AGBL1: variants seen among roughly 807,000 people sequenced by gnomAD.
AGBL1 encodes AGBL carboxypeptidase 1, also known as cytosolic carboxypeptidase 4.
AGBL1 carries 130 observed loss-of-function variants against 118.9 expected under a neutral mutation model. The observed-to-expected ratio is 1.09, with a 90% confidence interval of 0.95 to 1.26. The LOEUF is 1.26. AGBL1 is among the 50% of genes most tolerant of loss of function. The pLI, the probability that AGBL1 is intolerant of heterozygous loss-of-function variation, is 0.00. For synonymous variants in AGBL1, 555 were observed against 478.9 expected (o/e 1.16, Z -2.08); for missense variants, 1,584 against 1,298.1 (o/e 1.22, Z -3.38).
At chr15:86,980,500 A>C (rs1185567111) in intron 23 of AGBL1, among the ~76,000 whole-genome samples, 1 of 152,126 alleles carries the variant, frequency 6.6e-6, no homozygotes, top group African/African-American at 2.4e-5. Flanking sequence ...TGGGAAGCCT[A>C]ATCCTCTGTC....
chr15:86,862,474 C>G (rs1268116335), intron 22 of AGBL1, among the ~76,000 whole-genome samples: 1 of 152,178 alleles, frequency 6.6e-6, no homozygotes, highest in Admixed American at 6.5e-5. Flanking sequence ...AATCCCAGCA[C>G]TTTGGGAGGC....
intron 5 of AGBL1, among the ~76,000 whole-genome samples, chr15:86,201,587 T>C (rs977937083): frequency 2.0e-5 from 3 of 152,168 alleles, no homozygotes; most frequent in Non-Finnish European, 4.4e-5. Context: ...TTGTTTTCAC[T>C]GAGAAAGCTT....
intron 3 of AGBL1, among the ~76,000 whole-genome samples, chr15:86,152,603 G>A (rs972154817): frequency 1.3e-5 from 2 of 152,110 alleles, no homozygotes; most frequent in African/African-American, 2.4e-5. Context: ...ACATAGGCAC[G>A]GGCAAGGACT....
intron 5 of AGBL1, among the ~76,000 whole-genome samples, chr15:86,204,836 T>C: frequency 6.6e-6 from 1 of 152,170 alleles, no homozygotes; most frequent in East Asian, 1.9e-4. Context: ...GTGATCCACC[T>C]GCCTTGGCCT....
intron 23 of AGBL1, among the ~76,000 whole-genome samples, chr15:86,955,562 T>C (rs1330880549): frequency 1.3e-5 from 2 of 151,942 alleles, no homozygotes; most frequent in Admixed American, 1.3e-4. Flanking sequence ...AAACTACAGC[T>C]TGGTTTACAA....
intron 19 of AGBL1, among the ~76,000 whole-genome samples, chr15:86,540,441 A>G (rs1325519254): frequency 6.6e-6 from 1 of 152,100 alleles, no homozygotes; most frequent in East Asian, 1.9e-4. Context: ...TAAAAACACA[A>G]AAAGTTAGCT....
At chr15:86,094,683 T>G (rs866810104) in intron 1 of AGBL1, among the ~76,000 whole-genome samples, 40 of 152,178 alleles carry the variant, frequency 2.6e-4, no homozygotes, top group African/African-American at 8.9e-4. Flanking sequence ...CCTTCTCCCC[T>G]GCATCATTGA....
intron 22 of AGBL1, among the ~76,000 whole-genome samples, chr15:86,885,349 G>A (rs1242207134): frequency 1.3e-5 from 2 of 152,102 alleles, no homozygotes; most frequent in Non-Finnish European, 2.9e-5. Flanking sequence ...CCCTCTGAAG[G>A]TACTGACAGC....
intron 21 of AGBL1, among the ~76,000 whole-genome samples, chr15:86,648,994 A>C (rs1194758318): frequency 6.6e-6 from 1 of 152,132 alleles, no homozygotes; most frequent in Non-Finnish European, 1.5e-5. Context: ...AGGAAGAGTG[A>C]TATGAAGAGA....
At chr15:86,758,140 A>G (rs1221311632) in intron 22 of AGBL1, among the ~76,000 whole-genome samples, 1 of 152,066 alleles carries the variant, frequency 6.6e-6, no homozygotes, top group African/African-American at 2.4e-5. Flanking sequence ...ATAGCATTCA[A>G]AGCCCACCAT....
At chr15:86,126,627 T>C (rs1160032071) in intron 1 of AGBL1, among the ~76,000 whole-genome samples, 1 of 152,234 alleles carries the variant, frequency 6.6e-6, no homozygotes, top group Non-Finnish European at 1.5e-5. Flanking sequence ...TACCTAGTGA[T>C]GATAAAATTT....
At chr15:86,929,822 A>G (rs574603496) in intron 23 of AGBL1, among the ~76,000 whole-genome samples, 1 of 152,346 alleles carries the variant, frequency 6.6e-6, no homozygotes, top group South Asian at 2.1e-4. Flanking sequence ...CTGAAGTTCT[A>G]TATATCATAT....
At chr15:86,230,861 C>T (rs1182921835) in intron 6 of AGBL1, among the ~76,000 whole-genome samples, 1 of 152,116 alleles carries the variant, frequency 6.6e-6, no homozygotes, top group Non-Finnish European at 1.5e-5. Context: ...GTCACGTCTG[C>T]CCGGCTCCCA....
chr15:86,835,392 G>A lies in AGBL1; in HGVS notation c.3159-71695G>A, dbSNP rs1005774995. ...TGGTTTGAATGGGGTGGTGTTTAAC[G>A]GAGTCCTGAACTATAAATGATCAGG... On this transcript the variant is annotated intron_variant, in intron 22 of 22. Coordinates refer to ENST00000614907, the MANE Select transcript of AGBL1 (RefSeq NM_001386094.1). 5.3e-5 allele frequency among the ~76,000 whole-genome samples: 8 copies of A among 152,082 alleles called. No homozygotes were observed. In the East Asian group the frequency reaches 1.3e-3, roughly 26 times the overall value.
chr15:86,175,837 G>A (rs2077474642), intron 5 of AGBL1, among the ~76,000 whole-genome samples: 1 of 152,042 alleles, frequency 6.6e-6, no homozygotes, highest in South Asian at 2.1e-4. Flanking sequence ...TTATTCCACT[G>A]TGATCTGAAA....
At chr15:86,836,365 A>C (rs2079171293) in intron 22 of AGBL1, among the ~76,000 whole-genome samples, 1 of 152,190 alleles carries the variant, frequency 6.6e-6, no homozygotes, top group Non-Finnish European at 1.5e-5. Context: ...CTTTCAGTAG[A>C]AGCAATTTTT....
In AGBL1 at chr15:86,397,859, C is replaced by T. The variant is rs943559265; in HGVS notation, c.2555+313C>T. Among the ~76,000 whole-genome samples, 3 of 152,064 alleles carry T rather than the reference C, an allele frequency of 2.0e-5. No homozygotes were observed. The East Asian group carries it at 5.8e-4, about 29-fold the overall frequency. ...ATTAAAAAATAGGAAGCTATAGAAT[C>T]ACAGGCAATTAATAGCAGAGGAAGA... On this transcript the variant is annotated intron_variant, in intron 18 of 22. Coordinates refer to ENST00000614907, the MANE Select transcript of AGBL1 (RefSeq NM_001386094.1).
chr15:86,754,692 C>T (rs1001361162), intron 22 of AGBL1, among the ~76,000 whole-genome samples: 3 of 152,060 alleles, frequency 2.0e-5, no homozygotes, highest in Non-Finnish European at 4.4e-5. Context: ...CTCCGGTGTT[C>T]AATTGTGGCT....
At chr15:86,512,065 C>T (rs532590852) in intron 18 of AGBL1, among the ~76,000 whole-genome samples, 8 of 151,838 alleles carry the variant, frequency 5.3e-5, no homozygotes, top group East Asian at 3.9e-4. Context: ...TGTGAATATA[C>T]GTTTATGAAA....
Sources: gnomAD v4.1 joint callset for allele counts (sites outside exome capture counted in the v4.1 genomes callset) on GRCh38, gnomAD v4.1.1 for gene constraint, MANE v1.5 for transcripts, NCBI Gene and HGNC (gene_info 2026-07-23, HGNC 2026-07-21) for gene names.